EPHB1: variants seen among roughly 807,000 people sequenced by gnomAD.
EPHB1 encodes the protein ephrin type-B receptor 1.
A neutral mutation model predicts 94.4 loss-of-function variants in EPHB1; 30 were observed. That is an observed-to-expected ratio of 0.32 (90% confidence interval 0.24 to 0.43). The LOEUF is 0.43. Ranked by LOEUF, EPHB1 falls within the 20% of genes least tolerant of loss-of-function variation. The pLI is 1.00. For missense variants in EPHB1, 1,055 were observed against 1,308.3 expected (o/e 0.81, Z 2.99); for synonymous variants, 522 against 489.1 (o/e 1.07, Z -0.89).
intron 3 of EPHB1, among the ~76,000 whole-genome samples, chr3:135,016,728 C>G (rs918758818): frequency 6.6e-6 from 1 of 152,224 alleles, no homozygotes; most frequent in Non-Finnish European, 1.5e-5. Context: ...GGTGCCAGTT[C>G]CTTCCTCTTG....
chr3:134,932,249 G>C (rs2038920400), intron 2 of EPHB1, among the ~76,000 whole-genome samples: 1 of 152,174 alleles, frequency 6.6e-6, no homozygotes, highest in Non-Finnish European at 1.5e-5. Flanking sequence ...GCCCATGAGT[G>C]CCGGTGCGCA....
At position 134,879,490 on chromosome 3, in the gene EPHB1, T is replaced by TAAA. The variant is rs375322070; in HGVS notation, c.59-46324_59-46322dup. Among the ~76,000 whole-genome samples, 208 of 151,670 alleles carry TAAA rather than the reference T, an allele frequency of 1.4e-3. 1 individual carries two copies. The highest frequency in any genetic ancestry group is 5.0e-3 in the African/African-American group (205 of 41,332). ...TGTCTCTACTAAAAATACAAAAAAA[T>TAAA]AAAATAAAATAAATAAGTGGGTGTA... On this transcript the variant is annotated intron_variant, in intron 1 of 15. Coordinates refer to ENST00000398015, the MANE Select transcript of EPHB1 (RefSeq NM_004441.5).
intron 3 of EPHB1, among the ~76,000 whole-genome samples, chr3:135,103,722 T>C (rs1489113579): frequency 6.6e-6 from 1 of 152,172 alleles, no homozygotes; most frequent in East Asian, 1.9e-4. Context: ...CATTTCCAAA[T>C]GCTTGTTTCT....
chr3:134,978,006 A>T, intron 3 of EPHB1: 1 of 455,660 alleles, frequency 2.2e-6, no homozygotes, highest in Non-Finnish European at 4.4e-6. Context: ...AGCAGGATTG[A>T]CATTGGAGGA....
intron 13 of EPHB1, among the ~76,000 whole-genome samples, chr3:135,244,239 T>A (rs1466311635): frequency 6.6e-6 from 1 of 152,192 alleles, no homozygotes; most frequent in Non-Finnish European, 1.5e-5. Flanking sequence ...CCTCCCTGCC[T>A]CTTTAATTAG....
chr3:135,115,953 C>T (rs1475253001), intron 4 of EPHB1, among the ~76,000 whole-genome samples: 3 of 152,168 alleles, frequency 2.0e-5, no homozygotes, highest in Non-Finnish European at 1.5e-5. Flanking sequence ...CAGTGGCTCA[C>T]GCCTGTAATC....
intron 3 of EPHB1, among the ~76,000 whole-genome samples, chr3:135,078,450 T>C (rs55711244): frequency 0.088 from 13,342 of 152,236 alleles, 778 homozygotes; most frequent in African/African-American, 0.17. Context: ...ACATTAGTAA[T>C]GTGCAGACAG....
At chr3:134,957,601 A>G (rs968910490) in intron 3 of EPHB1, among the ~76,000 whole-genome samples, 6 of 152,176 alleles carry the variant, frequency 3.9e-5, no homozygotes, top group African/African-American at 1.4e-4. Context: ...ACAGCTGATA[A>G]AGCCCGAAAA....
intron 1 of EPHB1, among the ~76,000 whole-genome samples, chr3:134,893,360 C>G (rs764352359): frequency 6.6e-6 from 1 of 152,188 alleles, no homozygotes; most frequent in African/African-American, 2.4e-5. Context: ...TCCTTTTGCT[C>G]TGAGAATAAA....
intron 3 of EPHB1, among the ~76,000 whole-genome samples, chr3:134,957,432 G>C (rs1336878384): frequency 2.0e-5 from 3 of 152,166 alleles, no homozygotes; most frequent in African/African-American, 7.2e-5. Context: ...TGGGAGAGGG[G>C]ACTGCAGGAG....
In EPHB1 at chr3:134,972,532, A is replaced by C. The variant is rs967210013; in HGVS notation, c.805+20480A>C. Among the ~76,000 whole-genome samples the C allele has an allele frequency of 6.7e-3, 697 of 104,112 alleles. 6 individuals carry two copies. The highest frequency in any genetic ancestry group is 0.03 in the African/African-American group (669 of 22,664). 68.3% of individuals were successfully genotyped at this position (104,112 alleles called of 152,430 possible). ...TATATATTATTATATATTTATTATA[A>C]ATATATATTATTATATATTATAAAT... On this transcript the variant is annotated intron_variant, in intron 3 of 15. Transcript: ENST00000398015.
chr3:135,138,099 A>T (rs546472159), intron 5 of EPHB1, among the ~76,000 whole-genome samples: 2 of 152,312 alleles, frequency 1.3e-5, no homozygotes, highest in South Asian at 4.1e-4. Context: ...CACTTGCATG[A>T]TCTTATCAGC....
chr3:135,102,107 T>A (rs1481492332), intron 3 of EPHB1, among the ~76,000 whole-genome samples: 1 of 152,240 alleles, frequency 6.6e-6, no homozygotes, highest in African/African-American at 2.4e-5. Context: ...TCCTGAGTTT[T>A]GAAATGATAC....
chr3:134,930,406 C>G (rs2038883884), intron 2 of EPHB1, among the ~76,000 whole-genome samples: 1 of 152,184 alleles, frequency 6.6e-6, no homozygotes, highest in Admixed American at 6.5e-5. Context: ...ACCTGGTGAA[C>G]AGAGGAAAAA....
chr3:134,946,638 G>A (rs746308501), intron 2 of EPHB1, among the ~76,000 whole-genome samples: 5 of 152,186 alleles, frequency 3.3e-5, no homozygotes, highest in Non-Finnish European at 5.9e-5. Flanking sequence ...AGCAGGAGGT[G>A]TTTGGGTCAT....
chr3:135,142,079 C>G (rs184180867), intron 5 of EPHB1, among the ~76,000 whole-genome samples: 48 of 152,276 alleles, frequency 3.2e-4, no homozygotes, highest in Middle Eastern at 3.4e-3. Flanking sequence ...AGTTTGAGTA[C>G]TCAAATCAGG....
intron 12 of EPHB1, among the ~76,000 whole-genome samples, chr3:135,229,216 A>G (rs1352932600): frequency 6.6e-6 from 1 of 152,094 alleles, no homozygotes; most frequent in Non-Finnish European, 1.5e-5. Flanking sequence ...GCACTGGCAC[A>G]CTCTGCCAGC....
chr3:135,068,320 C>T (rs1394621241), intron 3 of EPHB1, among the ~76,000 whole-genome samples: 1 of 152,178 alleles, frequency 6.6e-6, no homozygotes, highest in Non-Finnish European at 1.5e-5. Context: ...TTCTCTACAT[C>T]CTCACCAATA....
chr3:135,071,490 C>CT (rs1253985126), intron 3 of EPHB1, among the ~76,000 whole-genome samples: 1 of 152,164 alleles, frequency 6.6e-6, no homozygotes, highest in Non-Finnish European at 1.5e-5. Context: ...CTGAGAGCTC[C>CT]TGAAGGCAAG....
Sources: gnomAD v4.1 joint callset for allele counts (sites outside exome capture counted in the v4.1 genomes callset) on GRCh38, gnomAD v4.1.1 for gene constraint, MANE v1.5 for transcripts, NCBI Gene and HGNC (gene_info 2026-07-23, HGNC 2026-07-21) for gene names.